ATP9A: variants seen among roughly 807,000 people sequenced by gnomAD.
ATP9A encodes the protein probable phospholipid-transporting ATPase IIA.
Under a neutral mutation model 144.1 loss-of-function variants are expected in ATP9A, and 52 were observed. That is an observed-to-expected ratio of 0.36 (90% confidence interval 0.29 to 0.45). ATP9A has a LOEUF of 0.45. ATP9A is among the 20% of genes least tolerant of loss of function. The pLI is 1.00. For synonymous variants in ATP9A, 582 were observed against 557.4 expected, an observed-to-expected ratio of 1.04 and a Z score of -0.62; for missense variants, 947 against 1,392.7, an observed-to-expected ratio of 0.68 and a Z score of 5.09.
chr20:51,659,288 C>T (rs2077401689), intron 13 of ATP9A, among the ~76,000 whole-genome samples: 1 of 152,194 alleles, frequency 6.6e-6, no homozygotes, highest in Admixed American at 6.5e-5. Flanking sequence ...GCCTATTTAC[C>T]TGACGGTTCC....
chr20:51,703,417 A>G (rs1213124815), intron 4 of ATP9A, among the ~76,000 whole-genome samples: 1 of 152,212 alleles, frequency 6.6e-6, no homozygotes, highest in Non-Finnish European at 1.5e-5. Flanking sequence ...GCAAAAGTTA[A>G]GCGGAAAATT....
chr20:51,712,452 C>T (rs572134506), intron 4 of ATP9A, among the ~76,000 whole-genome samples: 1 of 152,312 alleles, frequency 6.6e-6, no homozygotes, highest in Non-Finnish European at 1.5e-5. Context: ...TTGGATCAGA[C>T]TCCATGCTCT....
At chr20:51,737,704 C>T (rs983381787) in intron 1 of ATP9A, among the ~76,000 whole-genome samples, 1 of 152,138 alleles carries the variant, frequency 6.6e-6, no homozygotes, top group Non-Finnish European at 1.5e-5. Flanking sequence ...ACATGTATTA[C>T]ACTTTTCAAT....
At chr20:51,602,909 G>A (rs1047715559) in intron 27 of ATP9A, among the ~76,000 whole-genome samples, 3 of 152,098 alleles carry the variant, frequency 2.0e-5, no homozygotes, top group Non-Finnish European at 2.9e-5. Flanking sequence ...AAAAGGTTAG[G>A]GTTTGTTCAC....
chr20:51,706,727 G>C (rs1436542391), intron 4 of ATP9A, among the ~76,000 whole-genome samples: 2 of 152,202 alleles, frequency 1.3e-5, no homozygotes, highest in Non-Finnish European at 2.9e-5. Flanking sequence ...TCCAGCCTGG[G>C]TGACAGAGTG....
intron 2 of ATP9A, among the ~76,000 whole-genome samples, chr20:51,727,109 A>C (rs1031602430): frequency 7.3e-5 from 11 of 150,604 alleles, no homozygotes; most frequent in African/African-American, 2.7e-4. Flanking sequence ...CTGCCCAACA[A>C]GGTGAAACCC....
In ATP9A at chr20:51,657,086, C is replaced by T; in HGVS notation, c.1358G>A (p.Ser453Asn). The T allele has an allele frequency of 6.2e-6, 10 of 1,614,198 alleles. No homozygotes were observed. The highest frequency in any genetic ancestry group is 8.5e-6 in the Non-Finnish European group (10 of 1,180,044). ...CTTCACGGCTTCGTGCACGCGGCTG[C>T]TCATGGTCCGCCGGACCTTAGTGGT... Reference protein sequence around the residue: ...TLTTKVRRTMSSRVHEAVKAI... With the variant: ...TLTTKVRRTMNSRVHEAVKAI... The change falls in exon 14 of 28, where the codon AGC (serine) becomes AAC (asparagine). Residue 453 changes from serine (S) to asparagine (N), a missense_variant. By Grantham distance (46) the Ser-to-Asn change is conservative. Around this residue, in one of 2 missense-constraint regions of ATP9A, gnomAD observed 770 missense variants for 1,047.9 expected, o/e 0.73. Transcript: ENST00000338821.
At chr20:51,715,994 T>G (rs948698947) in intron 3 of ATP9A, among the ~76,000 whole-genome samples, 3 of 134,716 alleles carry the variant, frequency 2.2e-5, no homozygotes, top group South Asian at 4.5e-4. Flanking sequence ...CTATGGGAGA[T>G]AGAAATCAGA....
At chr20:51,681,596 A>G (rs2077500009) in intron 9 of ATP9A, among the ~76,000 whole-genome samples, 2 of 151,928 alleles carry the variant, frequency 1.3e-5, no homozygotes, top group African/African-American at 4.8e-5. Context: ...TCATTTTTGT[A>G]TTTTTAGTAG....
chr20:51,763,362 C>G (rs1004815809), intron 1 of ATP9A, among the ~76,000 whole-genome samples: 6 of 149,196 alleles, frequency 4.0e-5, no homozygotes, highest in Admixed American at 6.8e-5. Flanking sequence ...GCCCAGGCTA[C>G]AGTGCAGTGG....
At chr20:51,759,779 A>G (rs140273184) in intron 1 of ATP9A, among the ~76,000 whole-genome samples, 3 of 152,338 alleles carry the variant, frequency 2.0e-5, no homozygotes, top group East Asian at 1.9e-4. Context: ...AAGGAAGGAC[A>G]TTGAAACACA....
At chr20:51,754,630 A>G (rs2077848010) in intron 1 of ATP9A, among the ~76,000 whole-genome samples, 1 of 151,608 alleles carries the variant, frequency 6.6e-6, no homozygotes, top group Non-Finnish European at 1.5e-5. Context: ...CCTGGCCAAC[A>G]TGGCTAAACC....
chr20:51,699,932 C>A (rs541256055), intron 4 of ATP9A, among the ~76,000 whole-genome samples: 3 of 152,094 alleles, frequency 2.0e-5, no homozygotes, highest in Non-Finnish European at 4.4e-5. Flanking sequence ...TGAGCCACTG[C>A]GCCCGGCCAA....
chr20:51,652,780 CTG>C (rs1490233216), intron 14 of ATP9A, among the ~76,000 whole-genome samples: 2 of 152,054 alleles, frequency 1.3e-5, no homozygotes, highest in African/African-American at 4.8e-5. Context: ...CATAAAATAA[CTG>C]TGCAATACAA....
chr20:51,682,841 C>T (rs1425469110), intron 9 of ATP9A, among the ~76,000 whole-genome samples: 2 of 149,738 alleles, frequency 1.3e-5, no homozygotes, highest in African/African-American at 4.9e-5. Flanking sequence ...GATCCAGCCG[C>T]ATTGGCCTCC....
At chr20:51,760,682 C>T (rs113429641) in intron 1 of ATP9A, among the ~76,000 whole-genome samples, 28,970 of 147,072 alleles carry the variant, frequency 0.2, 3,228 homozygotes, top group East Asian at 0.31. Flanking sequence ...GCCAAGATCA[C>T]GCCACTGCAC....
intron 11 of ATP9A, 25 bp from the exon 12 acceptor site, chr20:51,671,282 G>A (rs183261061): frequency 1.9e-6 from 3 of 1,608,048 alleles, no homozygotes; most frequent in Non-Finnish European, 2.6e-6. Context: ...AGAGCAAACA[G>A]GCTAACAGGA....
At chr20:51,615,422 T>C (rs1021408425) in intron 22 of ATP9A, among the ~76,000 whole-genome samples, 9 of 152,110 alleles carry the variant, frequency 5.9e-5, no homozygotes, top group Non-Finnish European at 1.3e-4. Context: ...CAGATTTAAG[T>C]AAGCTGCACA....
chr20:51,631,768 G>T (rs2077270957), intron 15 of ATP9A, among the ~76,000 whole-genome samples: 1 of 152,180 alleles, frequency 6.6e-6, no homozygotes, highest in South Asian at 2.1e-4. Context: ...CAAACCCGTG[G>T]CTCCACGTGG....
Sources: allele counts gnomAD v4.1 joint callset (sites outside exome capture counted in the v4.1 genomes callset), GRCh38; gene constraint gnomAD v4.1.1; regional missense constraint gnomAD v4.1.1; transcripts MANE v1.5; gene names NCBI Gene and HGNC (gene_info 2026-07-23, HGNC 2026-07-21).